INTS10: variants seen among roughly 807,000 people sequenced by gnomAD.
The protein encoded by INTS10 is integrator complex subunit 10, also known as chromosome 8 open reading frame 35.
In INTS10, 44 loss-of-function variants were observed where a neutral mutation model predicts 94.4. The ratio of observed to expected loss-of-function variants is 0.47; its 90% confidence interval spans 0.37 to 0.60. INTS10 has a LOEUF of 0.60. Among genes scored for constraint, INTS10 ranks in the 20% least tolerant of loss-of-function variants. INTS10 has a pLI of 0.00. For missense variants in INTS10, 797 were observed against 868.7 expected (o/e 0.92, Z 1.04); for synonymous variants, 341 against 320.7 (o/e 1.06, Z -0.68).
At position 19,846,151 on chromosome 8, in the gene INTS10, G is replaced by C. The variant is rs953299287; in HGVS notation, c.1976+354G>C. On this transcript the variant is annotated intron_variant, in intron 16 of 16. Transcript: ENST00000397977. The surrounding 1 kb of genome is among the most constrained non-coding windows in gnomAD (Gnocchi z 4.2). ...AAGAACAGTTGTGTGGCCAGGCATG[G>C]TGGCTCACGCCTGTAATCTCAACAC... Among the ~76,000 whole-genome samples the C allele has an allele frequency of 5.9e-5, 9 of 151,974 alleles. No individual in the cohort carries two copies. Among genetic ancestry groups the C allele is most frequent in the African/African-American group, 1.9e-4 (8 of 41,348 alleles).
chr8:19,850,382 G>C (rs150036566), intron 16 of INTS10, among the ~76,000 whole-genome samples: 1 of 152,232 alleles, frequency 6.6e-6, no homozygotes, highest in Non-Finnish European at 1.5e-5. Context: ...TCACAAAGAA[G>C]TGTGCATTTA....
At chr8:19,825,266 C>T (rs1187389010) in intron 8 of INTS10, among the ~76,000 whole-genome samples, 1 of 152,180 alleles carries the variant, frequency 6.6e-6, no homozygotes, top group Non-Finnish European at 1.5e-5. Flanking sequence ...GTGGCTCACA[C>T]CTGTAATCCC....
intron 16 of INTS10, among the ~76,000 whole-genome samples, chr8:19,850,486 A>AT (rs36125539): frequency 3.0e-4 from 45 of 150,696 alleles, no homozygotes; most frequent in Non-Finnish European, 5.0e-4. Flanking sequence ...ACAAAGCTGG[A>AT]TTTTTTTTTT....
At chr8:19,841,968 G>T (rs1270798690) in intron 13 of INTS10, 1 of 295,582 alleles carries the variant, frequency 3.4e-6, no homozygotes, top group Non-Finnish European at 6.7e-6. Context: ...AAGTATGTGT[G>T]TACAGGATCC....
Position 19,849,170 on chromosome 8 carries a change from G to A in INTS10, c.1977-2479G>A. 7.8e-7 allele frequency: 1 copy of A among 1,289,234 alleles called. No individual in the cohort carries two copies. Among genetic ancestry groups the A allele is most frequent in the Admixed American group, 2.3e-5 (1 of 43,560 alleles). 79.9% of individuals were successfully genotyped at this position (1,289,234 alleles called of 1,614,324 possible). ...TTTGCTGTTTTTTAAAGGCCTTCTA[G>A]CCCTCCCATGGGGTTACTGCAGCAG... On this transcript the variant is annotated intron_variant, in intron 16 of 16. Coordinates refer to ENST00000397977, the MANE Select transcript of INTS10 (RefSeq NM_018142.4). This position sits in a 1 kb window ranked among gnomAD's most constrained non-coding sequence, Gnocchi z 4.6.
At position 19,851,833 on chromosome 8, in the gene INTS10, C is replaced by A; in HGVS notation, c.*28C>A. 1 of 1,606,870 alleles carries A rather than the reference C, an allele frequency of 6.2e-7. No individual in the cohort carries two copies. Among genetic ancestry groups the A allele is most frequent in the South Asian group, 1.1e-5 (1 of 90,732 alleles). On this transcript the variant is annotated 3_prime_UTR_variant, in exon 17 of 17. Transcript: ENST00000397977. This position sits in a 1 kb window ranked among gnomAD's most constrained non-coding sequence, Gnocchi z 5.0. ...GGAGACCTTTCCACCAGACACAGCT[C>A]GGGCCTGTGTAATTGTAGGAGAAGA...
At position 19,833,218 on chromosome 8, in the gene INTS10, A is replaced by G. The variant is rs770627940; in HGVS notation, c.1427A>G (p.Gln476Arg). 3 of 1,612,778 alleles carry G rather than the reference A, an allele frequency of 1.9e-6. No homozygotes were observed. The highest frequency in any genetic ancestry group is 1.7e-5 in the Admixed American group (1 of 59,868). Residue 476 changes from glutamine (Q) to arginine (R), a missense_variant, in exon 12 of 17, where the codon CAG (glutamine) becomes CGG (arginine). By Grantham distance (43) the Gln-to-Arg change is conservative. Coordinates refer to ENST00000397977, the MANE Select transcript of INTS10 (RefSeq NM_018142.4). ...IASLHHLAAL[Q>R]GSISQPQITG... Reference sequence around the variant, plus strand: ...AGCCTGCATCACTTAGCAGCTCTCCAGGGATCCATTTCTCAGCCACAGATC... The same window carrying G: ...AGCCTGCATCACTTAGCAGCTCTCCGGGGATCCATTTCTCAGCCACAGATC...
intron 5 of INTS10, among the ~76,000 whole-genome samples, chr8:19,822,748 G>A (rs60329942): frequency 0.26 from 38,821 of 151,800 alleles, 5,129 homozygotes; most frequent in Middle Eastern, 0.44. Context: ...TCAAGAGATC[G>A]AGACCATCCT....
At chr8:19,845,256 T>C (rs543010950) in intron 15 of INTS10, among the ~76,000 whole-genome samples, 70 of 152,294 alleles carry the variant, frequency 4.6e-4, no homozygotes, top group African/African-American at 1.7e-3. Context: ...AAGTAATCAC[T>C]TGATTTTTAT....
At chr8:19,818,667 G>T in intron 2 of INTS10, 1 of 337,276 alleles carries the variant, frequency 3.0e-6, no homozygotes, top group Non-Finnish European at 5.7e-6. Context: ...AACTGAACCA[G>T]AGTTAAGTTT....
intron 16 of INTS10, among the ~76,000 whole-genome samples, chr8:19,847,583 A>G (rs1332608935): frequency 1.3e-5 from 2 of 152,258 alleles, no homozygotes; most frequent in Non-Finnish European, 1.5e-5. Flanking sequence ...GTCTGTGTAC[A>G]TAGGATTAAA....
chr8:19,839,169 C>T (rs558189923), intron 13 of INTS10, among the ~76,000 whole-genome samples: 2 of 152,138 alleles, frequency 1.3e-5, no homozygotes, highest in East Asian at 3.9e-4. Context: ...ATACAGAATT[C>T]AATATCAGTT....
chr8:19,822,363 A>T, intron 4 of INTS10, 76 bp from the exon 5 acceptor site: 1 of 775,654 alleles, frequency 1.3e-6, no homozygotes, highest in Non-Finnish European at 2.2e-6. Flanking sequence ...AAGTAAAAAA[A>T]ATACCCCATT....
In INTS10 at chr8:19,849,707, A is replaced by C. The variant is rs1044229581; in HGVS notation, c.1977-1942A>C. 3.3e-5 allele frequency among the ~76,000 whole-genome samples: 5 copies of C among 152,036 alleles called. No individual in the cohort carries two copies. Among genetic ancestry groups the C allele is most frequent in the African/African-American group, 1.2e-4 (5 of 41,362 alleles). ...GCACTAATGTGTTTTTTTTCCTGCT[A>C]CTGATGTTTTTTCAGACCTTACCTT... On this transcript the variant is annotated intron_variant, in intron 16 of 16. Transcript: ENST00000397977. The surrounding 1 kb of genome is among the most constrained non-coding windows in gnomAD (Gnocchi z 4.6).
At position 19,849,965 on chromosome 8, in the gene INTS10, C is replaced by T. The variant is rs2068885371; in HGVS notation, c.1977-1684C>T. Among the ~76,000 whole-genome samples, 2 of 151,618 alleles carry T rather than the reference C, an allele frequency of 1.3e-5. No individual in the cohort carries two copies. Among genetic ancestry groups the T allele is most frequent in the African/African-American group, 2.4e-5 (1 of 41,292 alleles). On this transcript the variant is annotated intron_variant, in intron 16 of 16. Transcript: ENST00000397977. This position sits in a 1 kb window ranked among gnomAD's most constrained non-coding sequence, Gnocchi z 4.6. ...GTTATATTTTTAGTGGTATTAAAAG[C>T]AGGGTTTATTAGCCAGGCCTGGTGG...
At position 19,851,779 on chromosome 8, in the gene INTS10, A is replaced by G; in HGVS notation, c.2107A>G (p.Ile703Val). 4 of 1,614,128 alleles carry G rather than the reference A, an allele frequency of 2.5e-6. No individual in the cohort carries two copies. The highest frequency in any genetic ancestry group is 2.5e-6 in the Non-Finnish European group (3 of 1,180,008). The change falls in exon 17 of 17, where the codon ATC (isoleucine) becomes GTC (valine). Residue 703 changes from isoleucine to valine, a missense_variant. This residue lies in a region of INTS10 where 47 missense variants were observed against 41.8 expected (regional missense o/e 1.12). Coordinates refer to ENST00000397977, the MANE Select transcript of INTS10 (RefSeq NM_018142.4). This position sits in a 1 kb window ranked among gnomAD's most constrained non-coding sequence, Gnocchi z 5.0. ...GCACAGGTTCTGCATTAATGAGAAG[A>G]TCTTGCTCCTTCAGACTCTGACCTG... ...VLHRFCINEK[I>V]LLLQTLT
At chr8:19,835,025 T>G (rs2067541485) in intron 12 of INTS10, among the ~76,000 whole-genome samples, 2 of 152,032 alleles carry the variant, frequency 1.3e-5, no homozygotes, top group South Asian at 4.2e-4. Context: ...GCCCTCACAT[T>G]GGGGGTTAGG....
chr8:19,834,060 G>T (rs1180311526), intron 12 of INTS10, among the ~76,000 whole-genome samples: 1 of 151,936 alleles, frequency 6.6e-6, no homozygotes, highest in Non-Finnish European at 1.5e-5. Flanking sequence ...TTATAAATGG[G>T]TGTGTTTCCT....
chr8:19,835,924 C>A (rs1260994037), intron 12 of INTS10, among the ~76,000 whole-genome samples: 1 of 152,088 alleles, frequency 6.6e-6, no homozygotes. Flanking sequence ...GTTTAAATCC[C>A]CACTTCCAGG....
Sources: allele counts gnomAD v4.1 joint callset (sites outside exome capture counted in the v4.1 genomes callset), GRCh38; gene constraint gnomAD v4.1.1; regional missense constraint gnomAD v4.1.1; non-coding constraint Gnocchi (gnomAD v3.1); transcripts MANE v1.5; gene names NCBI Gene and HGNC (gene_info 2026-07-23, HGNC 2026-07-21).